The following PPL variants were observed in gnomAD, a reference collection of about 807,000 sequenced individuals.
PPL encodes the protein 190 kDa paraneoplastic pemphigus antigen.
Under a neutral mutation model 194.4 loss-of-function variants are expected in PPL, and 198 were observed. That is an observed-to-expected ratio of 1.02 (90% CI 0.91 to 1.15). PPL has a LOEUF of 1.15. PPL is among the 50% of genes most tolerant of loss of function. The probability of loss-of-function intolerance (pLI) is 0.00; values close to 1 mark genes in which losing one functional copy is unlikely to be tolerated. For synonymous variants in PPL, 1,220 were observed against 972.4 expected, an observed-to-expected ratio of 1.25 and a Z score of -4.74; for missense variants, 2,885 against 2,294.8, an observed-to-expected ratio of 1.26 and a Z score of -5.25.
chr16:4,912,922 G>A (rs978235001), intron 1 of PPL, among the ~76,000 whole-genome samples: 2 of 152,130 alleles, frequency 1.3e-5, no homozygotes, highest in Non-Finnish European at 2.9e-5. Context: ...TGGCCAACAT[G>A]GTGAAACCCC....
intron 1 of PPL, among the ~76,000 whole-genome samples, chr16:4,915,742 T>G (rs1440324102): frequency 1.3e-5 from 2 of 152,224 alleles, no homozygotes; most frequent in Non-Finnish European, 2.9e-5. Flanking sequence ...GGCTCCTCAC[T>G]GTTTCTGACT....
chr16:4,924,972 T>C (rs1054273979), intron 1 of PPL, among the ~76,000 whole-genome samples: 1 of 152,186 alleles, frequency 6.6e-6, no homozygotes, highest in Admixed American at 6.5e-5. Context: ...TGCACTCTCC[T>C]CCCATGTGTG....
intron 1 of PPL, among the ~76,000 whole-genome samples, chr16:4,930,249 C>G (rs898877523): frequency 6.6e-6 from 1 of 152,204 alleles, no homozygotes. Flanking sequence ...GCCTGTGTGG[C>G]TGGGTCAGGG....
At chr16:4,918,872 G>A (rs905844366) in intron 1 of PPL, among the ~76,000 whole-genome samples, 4 of 152,168 alleles carry the variant, frequency 2.6e-5, no homozygotes, top group Non-Finnish European at 4.4e-5. Context: ...AAAGGGGACA[G>A]GTCCCAGGAG....
Position 4,886,438 on chromosome 16 carries a change from T to C in PPL, c.2608-391A>G, listed in dbSNP as rs536212134. ...CTGCTCACTGCACTTACAGAGCTCA[T>C]TCCAGCTCAGCACAGAGAGTGCTGC... On this transcript the variant is annotated intron_variant, in intron 21 of 21. Transcript: ENST00000345988. Among the ~76,000 whole-genome samples the C allele has an allele frequency of 1.5e-4, 23 of 152,350 alleles. No homozygotes were observed. In the South Asian group the frequency reaches 4.8e-3, roughly 32 times the overall value.
intron 11 of PPL, 101 bp from the exon 12 acceptor site, chr16:4,894,719 G>A (rs2088387377): frequency 1.4e-6 from 2 of 1,379,806 alleles, no homozygotes; most frequent in Non-Finnish European, 2.0e-6. Context: ...GGGGAGCCCC[G>A]GCTCATCACT....
chr16:4,925,823 C>A (rs2089145371), intron 1 of PPL, among the ~76,000 whole-genome samples: 3 of 152,246 alleles, frequency 2.0e-5, no homozygotes, highest in South Asian at 4.1e-4. Context: ...CAATCCACAC[C>A]CACCCCTTAC....
chr16:4,885,089 G>A lies in PPL; in HGVS notation c.3566C>T (p.Ala1189Val), dbSNP rs746042003. ...CTCCACAAGCTCCAGGCGGAGGTTC[G>A]CCACTTCACTTTCCGCCTTGGGGTC... ...RPDPKAESEV[A>V]NLRLELVEQE... Residue 1189 changes from alanine to valine, a missense_variant, in exon 22 of 22, where the codon GCG becomes GTG. Transcript: ENST00000345988. This position sits in a 1 kb window ranked among gnomAD's most constrained non-coding sequence, Gnocchi z 6.3. 1.2e-5 allele frequency: 20 copies of A among 1,613,486 alleles called. No individual in the cohort carries two copies. Among genetic ancestry groups the A allele is most frequent in the South Asian group, 2.2e-5 (2 of 91,084 alleles).
chr16:4,884,794 C>A lies in PPL; in HGVS notation c.3861G>T (p.Gln1287His), dbSNP rs747360453. 5 of 1,613,992 alleles carry A rather than the reference C, an allele frequency of 3.1e-6. No homozygotes were observed. The highest frequency in any genetic ancestry group is 3.3e-5 in the Admixed American group (2 of 60,002). Residue 1287 changes from glutamine to histidine, a missense_variant, in exon 22 of 22, where the codon CAG becomes CAT. Gln to His is a conservative substitution (Grantham distance 24). Transcript: ENST00000345988. The surrounding 1 kb of genome is among the most constrained non-coding windows in gnomAD (Gnocchi z 5.7). ...GGATCTCCTGGACCACCTCTTTGGT[C>A]TGGACCTGGGGTTTGGTGTCTTTCA... is the stretch of plus-strand genomic sequence containing the variant. ...QALKDTKPQV[Q>H]TKEVVQEILQ...
At position 4,917,742 on chromosome 16, in the gene PPL, A is replaced by G. The variant is rs137995233; in HGVS notation, c.63-6793T>C. Among the ~76,000 whole-genome samples, 1,460 of 151,940 alleles carry G rather than the reference A, an allele frequency of 9.6e-3. 26 individuals carry two copies. Among genetic ancestry groups the G allele is most frequent in the African/African-American group, 0.033 (1,375 of 41,408 alleles). On this transcript the variant is annotated intron_variant, in intron 1 of 21. Coordinates refer to ENST00000345988, the MANE Select transcript of PPL (RefSeq NM_002705.5). ...ATGGTGAAACCCCATGTCTACTGAA[A>G]ATACAAAAAATTAGCTGGGCATGGT...
In PPL at chr16:4,902,353, C is replaced by A. The variant is rs112625808; in HGVS notation, c.438+53G>T. 2,277 of 1,606,060 alleles carry A rather than the reference C, an allele frequency of 1.4e-3. 31 individuals are homozygous for A. In the African/African-American group the frequency reaches 0.028, roughly 20 times the overall value. On this transcript the variant is annotated intron_variant, in intron 4 of 21. Coordinates refer to ENST00000345988, the MANE Select transcript of PPL (RefSeq NM_002705.5). This position sits in a 1 kb window ranked among gnomAD's most constrained non-coding sequence, Gnocchi z 4.0. ...TGGGTAGGCTCTCCCTGCACACGCA[C>A]AGCCCCCTCCCCAGCTGAAACCCTG...
chr16:4,884,403 G>A lies in PPL; in HGVS notation c.4252C>T (p.Arg1418Cys), dbSNP rs772840383. 3.0e-5 allele frequency: 49 copies of A among 1,607,900 alleles called. 1 individual carries two copies. The highest frequency in any genetic ancestry group is 8.9e-5 in the East Asian group (4 of 44,842). Residue 1418 changes from arginine to cysteine, a missense_variant, in exon 22 of 22, where the codon CGC (arginine) becomes TGC (cysteine). By Grantham distance (180) the Arg-to-Cys change is radical. Transcript: ENST00000345988. The surrounding 1 kb of genome is among the most constrained non-coding windows in gnomAD (Gnocchi z 5.7). The part of the protein sequence containing the change: ...RERQARREAE[R>C]EVQRLQQRLA... ...CGCTGCTGCAACCGCTGTACCTCGC[G>A]CTCGGCCTCCCTGCGGGCCTGCCGC...
chr16:4,910,428 A>C (rs1188846032), intron 2 of PPL, among the ~76,000 whole-genome samples: 5 of 152,184 alleles, frequency 3.3e-5, no homozygotes, highest in Admixed American at 3.3e-4. Context: ...GGGATGGCTC[A>C]CTTGTCCAAG....
At chr16:4,933,064 C>G (rs2908661) in intron 1 of PPL, among the ~76,000 whole-genome samples, 135,649 of 151,432 alleles carry the variant, frequency 0.9, 61,056 homozygotes, top group Middle Eastern at 0.95. Flanking sequence ...TGCAGTAGCA[C>G]AATCTCAGCT....
chr16:4,900,434 C>CATTTTTTTTTTTT (rs1457527716), intron 6 of PPL, among the ~76,000 whole-genome samples: 2 of 61,652 alleles, frequency 3.2e-5, no homozygotes, highest in South Asian at 1.5e-3. Flanking sequence ...TACTGCACGC[C>CATTTTTTTTTTTT]TTTTTTTTTT....
intron 6 of PPL, 123 bp from the exon 7 acceptor site, chr16:4,899,507 C>CTGAGGACAAGCCCAGCTATGGGTGGCT: frequency 7.4e-7 from 1 of 1,348,878 alleles, no homozygotes; most frequent in South Asian, 1.5e-5. Flanking sequence ...TATGGGTGGC[C>CTGAGGACAAGCCCAGCTATGGGTGGCT]TGAGGACAAG....
intron 1 of PPL, among the ~76,000 whole-genome samples, chr16:4,922,269 T>G (rs1056193761): frequency 6.6e-6 from 1 of 152,148 alleles, no homozygotes; most frequent in South Asian, 2.1e-4. Context: ...TGGGGGTGAC[T>G]GAGAGAACAG....
chr16:4,890,245 CTG>C lies in PPL; in HGVS notation c.2250_2251del (p.Ser751LeufsTer25), dbSNP rs1359086207. The stretch of plus-strand genomic sequence containing the variant: ...GCTGTCTGTCTCCTGGGGCTCGTAA[CTG>C]GGGATGCTGACTAGGAACTGCAGCA... On this transcript the variant is annotated frameshift_variant, in exon 18 of 22. Coordinates refer to ENST00000345988, the MANE Select transcript of PPL (RefSeq NM_002705.5). LOFTEE classifies it high-confidence loss of function. 1.2e-6 allele frequency: 2 copies of C among 1,614,080 alleles called. No homozygotes were observed. The highest frequency in any genetic ancestry group is 1.7e-6 in the Non-Finnish European group (2 of 1,180,046).
intron 2 of PPL, among the ~76,000 whole-genome samples, chr16:4,905,953 T>A (rs950501874): frequency 1.3e-5 from 2 of 152,086 alleles, no homozygotes; most frequent in Admixed American, 6.5e-5. Flanking sequence ...AAAATATTTT[T>A]AAAAGGTAGC....
Sources: gnomAD v4.1 joint callset for allele counts (sites outside exome capture counted in the v4.1 genomes callset) on GRCh38, gnomAD v4.1.1 for gene constraint, Gnocchi (gnomAD v3.1) non-coding constraint, MANE v1.5 for transcripts, NCBI Gene and HGNC (gene_info 2026-07-23, HGNC 2026-07-21) for gene names.